Variants in MLEC observed in about 807,000 individuals in gnomAD.
The protein encoded by MLEC is malectin.
Under a neutral mutation model 28.7 loss-of-function variants are expected in MLEC, and 7 were observed. The ratio of observed to expected loss-of-function variants is 0.24; its 90% CI spans 0.14 to 0.46. MLEC has a LOEUF of 0.46. Ranked by LOEUF, MLEC falls within the 20% of genes least tolerant of loss-of-function variation. The pLI is 0.99. For synonymous variants in MLEC, 142 were observed against 164.4 expected, an observed-to-expected ratio of 0.86 and a Z score of 1.04; for missense variants, 237 against 391.1, an observed-to-expected ratio of 0.61 and a Z score of 3.32.
At chr12:120,695,936 A>G (rs1882213008) in intron 4 of MLEC, among the ~76,000 whole-genome samples, 1 of 152,206 alleles carries the variant, frequency 6.6e-6, no homozygotes. Flanking sequence ...TCTCTGGGTC[A>G]ACGTTTCTTC....
At position 120,697,178 on chromosome 12, in the gene MLEC, T is replaced by C. The variant is rs926134849; in HGVS notation, c.*633T>C. On this transcript the variant is annotated 3_prime_UTR_variant, in exon 5 of 5. Transcript: ENST00000228506. This position sits in a 1 kb window ranked among gnomAD's most constrained non-coding sequence, Gnocchi z 4.8. ...TTTGTCATTGCTTGTCTCCCTGGCA[T>C]GTGCCAGTTATAGACTGTCCAGCAT... 6.5e-6 allele frequency: 1 copy of C among 152,918 alleles called. No homozygotes were observed. Among genetic ancestry groups the C allele is most frequent in the African/African-American group, 2.4e-5 (1 of 41,480 alleles). 9.5% of individuals were successfully genotyped at this position (152,918 alleles called of 1,614,324 possible). A position where few individuals can be genotyped will look rare whatever the true frequency, so the allele number is the denominator to read the frequency against.
chr12:120,687,414 G>T lies in MLEC; in HGVS notation c.118G>T (p.Ala40Ser), dbSNP rs758801115. Residue 40 changes from alanine (A) to serine (S), a missense_variant, in exon 1 of 5, where the codon GCG (alanine) becomes TCG (serine). Transcript: ENST00000228506. This position sits in a 1 kb window ranked among gnomAD's most constrained non-coding sequence, Gnocchi z 8.1. Reference protein sequence around the residue: ...GLGVAGVAGAAGAGLPESVIW... With the variant: ...GLGVAGVAGASGAGLPESVIW... ...CGGCGTGGCCGGCGTGGCCGGCGCG[G>T]CGGGGGCCGGGCTGCCCGAGAGCGT... The T allele has an allele frequency of 7.2e-7, 1 of 1,393,738 alleles. No homozygotes were observed. The highest frequency in any genetic ancestry group is 9.3e-7 in the Non-Finnish European group (1 of 1,075,534). 86.3% of individuals were successfully genotyped at this position (1,393,738 alleles called of 1,614,324 possible).
rs982535937 is a variant in MLEC, at chr12:120,694,125, T to C, written c.270T>C (p.Arg90=). The C allele has an allele frequency of 6.2e-7, 1 of 1,614,162 alleles. No homozygotes were observed. The highest frequency in any genetic ancestry group is 8.5e-7 in the Non-Finnish European group (1 of 1,180,022). ...SDYGMKLPIL[R]SNPEDQILYQ... ...ATGGCATGAAACTGCCAATCCTGCG[T>C]TCCAACCCTGAGGACCAGATCCTGT... Residue 90 remains arginine, a synonymous_variant, in exon 2 of 5, where the codon CGT becomes CGC. Transcript: ENST00000228506. This position sits in a 1 kb window ranked among gnomAD's most constrained non-coding sequence, Gnocchi z 4.5.
At chr12:120,689,756 T>C (rs1881969705) in intron 1 of MLEC, among the ~76,000 whole-genome samples, 2 of 152,260 alleles carry the variant, frequency 1.3e-5, no homozygotes, top group South Asian at 2.1e-4. Flanking sequence ...CTGATTGCAG[T>C]AGGAACTGTA....
At chr12:120,695,184 TGAGTG>T (rs757806375) in intron 4 of MLEC, 32 bp downstream of exon 4, 52 of 1,612,916 alleles carry the variant, frequency 3.2e-5, no homozygotes, top group Non-Finnish European at 4.2e-5. Flanking sequence ...TTTTTTGACT[TGAGTG>T]GAGGGATATG....
At position 120,694,696 on chromosome 12, in the gene MLEC, G is replaced by A. The variant is rs1278609281; in HGVS notation, c.415-128G>A. 3 of 910,004 alleles carry A rather than the reference G, an allele frequency of 3.3e-6. No homozygotes were observed. Among genetic ancestry groups the A allele is most frequent in the Non-Finnish European group, 5.0e-6 (3 of 594,802 alleles). The allele number at this position is 910,004 out of a possible 1,614,324, so 56.4% of individuals were successfully genotyped here. On this transcript the variant is annotated intron_variant, in intron 2 of 4. Coordinates refer to ENST00000228506, the MANE Select transcript of MLEC (RefSeq NM_014730.4). This position sits in a 1 kb window ranked among gnomAD's most constrained non-coding sequence, Gnocchi z 4.5. Reference sequence around the variant, plus strand: ...CGGGTTAAGGATGCTAACCACCCTGGATATCCAGACCCATCATTTCTTAAA... The same window carrying A: ...CGGGTTAAGGATGCTAACCACCCTGAATATCCAGACCCATCATTTCTTAAA...
chr12:120,696,482 G>A lies in MLEC; in HGVS notation c.816G>A (p.Met272Ile). ...NPYASDNSSL[M>I]FPILVAFGVF... ...ATGCCTCGGACAACAGCAGCCTCAT[G>A]TTTCCCATCCTGGTGGCCTTCGGAG... Residue 272 changes from methionine to isoleucine, a missense_variant, in exon 5 of 5, where the codon ATG (methionine) becomes ATA (isoleucine). Physicochemically the swap from Met to Ile is conservative, Grantham distance 10. Transcript: ENST00000228506. This position sits in a 1 kb window ranked among gnomAD's most constrained non-coding sequence, Gnocchi z 5.4. 3 of 1,614,184 alleles carry A rather than the reference G, an allele frequency of 1.9e-6. No individual in the cohort carries two copies. Among genetic ancestry groups the A allele is most frequent in the Non-Finnish European group, 2.5e-6 (3 of 1,180,036 alleles).
Position 120,696,897 on chromosome 12 carries a change from T to G in MLEC, c.*352T>G, listed in dbSNP as rs1882263826. 8.2e-6 allele frequency: 2 copies of G among 245,052 alleles called. No homozygotes were observed. Among genetic ancestry groups the G allele is most frequent in the Admixed American group, 1.0e-4 (2 of 19,686 alleles). The allele number at this position is 245,052 out of a possible 1,614,324, so 15.2% of individuals were successfully genotyped here. A position where few individuals can be genotyped will look rare whatever the true frequency, so the allele number is the denominator to read the frequency against. On this transcript the variant is annotated 3_prime_UTR_variant, in exon 5 of 5. Coordinates refer to ENST00000228506, the MANE Select transcript of MLEC (RefSeq NM_014730.4). The surrounding 1 kb of genome is among the most constrained non-coding windows in gnomAD (Gnocchi z 5.4). ...GGAGTCACTGTTCCTTTTTTTAGGT[T>G]AGAAATTAACAGCAGGGAAATGCCA...
chr12:120,696,723 C>T lies in MLEC; in HGVS notation c.*178C>T. ...GTAGAGAGCAGCCCTCATTCACCAC[C>T]TGGTCCCAGACGTGCTTCAGTCCTC... is the stretch of plus-strand genomic sequence containing the variant. On this transcript the variant is annotated 3_prime_UTR_variant, in exon 5 of 5. Coordinates refer to ENST00000228506, the MANE Select transcript of MLEC (RefSeq NM_014730.4). The surrounding 1 kb of genome is among the most constrained non-coding windows in gnomAD (Gnocchi z 5.4). 1 of 875,318 alleles carries T rather than the reference C, an allele frequency of 1.1e-6. No homozygotes were observed. The allele number at this position is 875,318 out of a possible 1,614,324, so 54.2% of individuals were successfully genotyped here.
chr12:120,692,959 G>A (rs1395973260), intron 1 of MLEC, among the ~76,000 whole-genome samples: 5 of 152,048 alleles, frequency 3.3e-5, no homozygotes, highest in Admixed American at 6.6e-5. Flanking sequence ...GGTGGCTCAC[G>A]CCTGTAATCC....
intron 1 of MLEC, among the ~76,000 whole-genome samples, chr12:120,693,653 A>G (rs1367157727): frequency 6.6e-6 from 1 of 152,232 alleles, no homozygotes; most frequent in African/African-American, 2.4e-5. Context: ...AATGAGAGAA[A>G]ACATTCTTTG....
chr12:120,696,521 C>T lies in MLEC; in HGVS notation c.855C>T (p.Thr285=). The change falls in exon 5 of 5, where the codon ACC becomes ACT. Residue 285 remains threonine, a synonymous_variant. Transcript: ENST00000228506. The surrounding 1 kb of genome is among the most constrained non-coding windows in gnomAD (Gnocchi z 5.4). ...TGGCCTTCGGAGTCTTCATTCCAAC[C>T]CTCTTCTGCCTCTGCCGGTTGTGAG... ...ILVAFGVFIP[T]LFCLCRL is the part of the protein sequence containing the mutation. 6.2e-7 allele frequency: 1 copy of T among 1,614,172 alleles called. No individual in the cohort carries two copies. Among genetic ancestry groups the T allele is most frequent in the East Asian group, 2.2e-5 (1 of 44,886 alleles).
rs1206049506 is a variant in MLEC, at chr12:120,694,712, A to G, written c.415-112A>G. 5 of 1,064,400 alleles carry G rather than the reference A, an allele frequency of 4.7e-6. No homozygotes were observed. Among genetic ancestry groups the G allele is most frequent in the Non-Finnish European group, 6.9e-6 (5 of 725,466 alleles). The allele number at this position is 1,064,400 out of a possible 1,614,324, so 65.9% of individuals were successfully genotyped here. A position where few individuals can be genotyped will look rare whatever the true frequency, so the allele number is the denominator to read the frequency against. On this transcript the variant is annotated intron_variant, in intron 2 of 4. Transcript: ENST00000228506. This position sits in a 1 kb window ranked among gnomAD's most constrained non-coding sequence, Gnocchi z 4.5. ...ACCACCCTGGATATCCAGACCCATCATTTCTTAAATTATTTTTGAACTTCA... is the reference window on the plus strand; with the variant it reads ...ACCACCCTGGATATCCAGACCCATCGTTTCTTAAATTATTTTTGAACTTCA...
In MLEC at chr12:120,696,860, T is replaced by C. The variant is rs572373584; in HGVS notation, c.*315T>C. 1 of 325,926 alleles carries C rather than the reference T, an allele frequency of 3.1e-6. No individual in the cohort carries two copies. Among genetic ancestry groups the C allele is most frequent in the Admixed American group, 4.6e-5 (1 of 21,644 alleles). The allele number at this position is 325,926 out of a possible 1,614,324, so 20.2% of individuals were successfully genotyped here. A position where few individuals can be genotyped will look rare whatever the true frequency, so the allele number is the denominator to read the frequency against. ...CATTTGTATACCTAGTGGAAAGGACTCTGAACTCAGAGGAGTCACTGTTCC... is the reference window on the plus strand; with the variant it reads ...CATTTGTATACCTAGTGGAAAGGACCCTGAACTCAGAGGAGTCACTGTTCC... On this transcript the variant is annotated 3_prime_UTR_variant, in exon 5 of 5. Coordinates refer to ENST00000228506, the MANE Select transcript of MLEC (RefSeq NM_014730.4). This position sits in a 1 kb window ranked among gnomAD's most constrained non-coding sequence, Gnocchi z 5.4.
Position 120,687,274 on chromosome 12 carries a change from C to A in MLEC, c.-23C>A. 2 of 1,357,934 alleles carry A rather than the reference C, an allele frequency of 1.5e-6. No homozygotes were observed. The highest frequency in any genetic ancestry group is 9.4e-7 in the Non-Finnish European group (1 of 1,062,228). 84.1% of individuals were successfully genotyped at this position (1,357,934 alleles called of 1,614,324 possible). A position where few individuals can be genotyped will look rare whatever the true frequency, so the allele number is the denominator to read the frequency against. On this transcript the variant is annotated 5_prime_UTR_variant, in exon 1 of 5. In the 5' UTR this introduces an upstream ATG that the reference lacks. Coordinates refer to ENST00000228506, the MANE Select transcript of MLEC (RefSeq NM_014730.4). The surrounding 1 kb of genome is among the most constrained non-coding windows in gnomAD (Gnocchi z 8.1). ...GGCCGAGGACGAGGGTCGGCGGGGG[C>A]TGCCCCCGTGGTGGTGGCCGCCATG... is the stretch of plus-strand genomic sequence containing the variant.
chr12:120,696,995 G>A lies in MLEC; in HGVS notation c.*450G>A, dbSNP rs576930337. The stretch of plus-strand genomic sequence containing the variant: ...GTTATGTCTAGATAAGACTTCAGAC[G>A]TCCTGGGATTGAAAGAATGTGTGTG... On this transcript the variant is annotated 3_prime_UTR_variant, in exon 5 of 5. Coordinates refer to ENST00000228506, the MANE Select transcript of MLEC (RefSeq NM_014730.4). The surrounding 1 kb of genome is among the most constrained non-coding windows in gnomAD (Gnocchi z 5.4). 1.0e-4 allele frequency: 16 copies of A among 157,260 alleles called. No homozygotes were observed. In the South Asian group the frequency reaches 2.1e-3, roughly 21 times the overall value. The allele number at this position is 157,260 out of a possible 1,614,324, so 9.7% of individuals were successfully genotyped here.
chr12:120,693,142 T>A (rs1452720506), intron 1 of MLEC, among the ~76,000 whole-genome samples: 1 of 152,260 alleles, frequency 6.6e-6, no homozygotes, highest in Admixed American at 6.5e-5. Context: ...AGTAACTTTT[T>A]ACTTTTATCC....
Position 120,701,485 on chromosome 12 carries a change from C to A in MLEC, c.*4940C>A, listed in dbSNP as rs548822946. The A allele has an allele frequency of 6.5e-6, 1 of 152,788 alleles. No homozygotes were observed. The highest frequency in any genetic ancestry group is 2.1e-4 in the South Asian group (1 of 4,824). The allele number at this position is 152,788 out of a possible 1,614,324, so 9.5% of individuals were successfully genotyped here. Reference sequence around the variant, plus strand: ...CCATTATTGGTCTAACCTGGCTTGTCAGGAAACCAAGCCCACCCTTCCACA... The same window carrying A: ...CCATTATTGGTCTAACCTGGCTTGTAAGGAAACCAAGCCCACCCTTCCACA... On this transcript the variant is annotated 3_prime_UTR_variant, in exon 5 of 5. Transcript: ENST00000228506. The surrounding 1 kb of genome is among the most constrained non-coding windows in gnomAD (Gnocchi z 4.0).
rs927034794 is a variant in MLEC at position 120,701,181 on chromosome 12, A to G, written c.*4636A>G. 6.6e-6 allele frequency: 1 copy of G among 152,248 alleles called. No homozygotes were observed. Among genetic ancestry groups the G allele is most frequent in the South Asian group, 2.1e-4 (1 of 4,834 alleles). The allele number at this position is 152,248 out of a possible 1,614,324, so 9.4% of individuals were successfully genotyped here. ...TTGAGCTTCAGTGCTTTATTTCAGT[A>G]TGAGGAAAAACAACAACAAACTGAA... is the stretch of plus-strand genomic sequence containing the variant. On this transcript the variant is annotated 3_prime_UTR_variant, in exon 5 of 5. Transcript: ENST00000228506. The surrounding 1 kb of genome is among the most constrained non-coding windows in gnomAD (Gnocchi z 4.0).
Sources: allele counts gnomAD v4.1 joint callset (sites outside exome capture counted in the v4.1 genomes callset), GRCh38; gene constraint gnomAD v4.1.1; non-coding constraint Gnocchi (gnomAD v3.1); transcripts MANE v1.5; gene names NCBI Gene and HGNC (gene_info 2026-07-23, HGNC 2026-07-21).